BLM: variants seen among roughly 807,000 people sequenced by gnomAD.
BLM encodes BLM RecQ like helicase, also known as recQ-like DNA helicase BLM.
Under a neutral mutation model 135.3 loss-of-function variants are expected in BLM, and 95 were observed. That is an observed-to-expected ratio of 0.70 (90% CI 0.59 to 0.83). The LOEUF (loss-of-function observed/expected upper bound fraction) is 0.83. Among genes scored for constraint, BLM ranks in the 40% least tolerant of loss-of-function variants. BLM has a pLI of 0.00. For missense variants in BLM, 1,518 were observed against 1,663.9 expected (o/e 0.91, Z 1.53); for synonymous variants, 520 against 589.2 (o/e 0.88, Z 1.70).
Position 90,802,835 on chromosome 15 carries a change from C to T in BLM, c.3359-686C>T, listed in dbSNP as rs28385134. On this transcript the variant is annotated intron_variant, in intron 17 of 21. Transcript: ENST00000355112. The stretch of plus-strand genomic sequence containing the variant: ...AAGAGTGTCATTGGATTGTTTGCAA[C>T]TCAATGGATAAATACCTGAGGGAAT... Among the ~76,000 whole-genome samples the T allele has an allele frequency of 3.6e-3, 554 of 152,140 alleles. 6 individuals carry two copies. The highest frequency in any genetic ancestry group is 0.013 in the African/African-American group (523 of 41,514).
At chr15:90,810,573 C>T (rs982766085) in intron 20 of BLM, among the ~76,000 whole-genome samples, 2 of 152,068 alleles carry the variant, frequency 1.3e-5, no homozygotes, top group Non-Finnish European at 2.9e-5. Flanking sequence ...TTTTTGGGTG[C>T]CTTGGGATGC....
At chr15:90,753,619 T>A (rs1301489043) in intron 4 of BLM, among the ~76,000 whole-genome samples, 1 of 152,256 alleles carries the variant, frequency 6.6e-6, no homozygotes, top group Non-Finnish European at 1.5e-5. Flanking sequence ...GAAATAGAAT[T>A]TTCACAATAT....
intron 17 of BLM, among the ~76,000 whole-genome samples, chr15:90,802,864 T>G (rs911838111): frequency 6.6e-6 from 1 of 152,206 alleles, no homozygotes; most frequent in Non-Finnish European, 1.5e-5. Context: ...AGGGAATGGA[T>G]GGCCCATTCT....
At chr15:90,805,084 C>T (rs1480900106) in intron 19 of BLM, among the ~76,000 whole-genome samples, 1 of 152,138 alleles carries the variant, frequency 6.6e-6, no homozygotes, top group African/African-American at 2.4e-5. Flanking sequence ...GATCCACCCA[C>T]CTCGGCCTCC....
chr15:90,722,972 C>T (rs1052799687), intron 1 of BLM, among the ~76,000 whole-genome samples: 1 of 152,140 alleles, frequency 6.6e-6, no homozygotes, highest in African/African-American at 2.4e-5. Context: ...TCCCAAGTAG[C>T]TTGGATTACA....
rs2151145090 is a variant in BLM, at chr15:90,747,475, C to G, written c.83C>G (p.Ser28Ter). The G allele has an allele frequency of 6.2e-7, 1 of 1,604,902 alleles. No homozygotes were observed. Among genetic ancestry groups the G allele is most frequent in the Non-Finnish European group, 8.5e-7 (1 of 1,173,802 alleles). ...ARTLNNKLSL[S>*]KPKFSGFTFK... Reference sequence around the variant, plus strand: ...ACACTTAATAATAAATTAAGTCTTTCAAAACCAAAATTTTCGTAAGTGTTT... The same window carrying G: ...ACACTTAATAATAAATTAAGTCTTTGAAAACCAAAATTTTCGTAAGTGTTT... The change falls in exon 2 of 22, where the codon TCA becomes TGA. Residue 28 changes from serine (S) to a stop codon, truncating the protein, a stop_gained. Coordinates refer to ENST00000355112, the MANE Select transcript of BLM (RefSeq NM_000057.4). LOFTEE classifies it high-confidence loss of function.
chr15:90,769,896 A>G (rs866880114), intron 12 of BLM, among the ~76,000 whole-genome samples: 3 of 152,134 alleles, frequency 2.0e-5, no homozygotes, highest in Admixed American at 6.5e-5. Flanking sequence ...ATTGCATGCC[A>G]TATCTATCAT....
At chr15:90,751,571 C>G (rs974559671) in intron 3 of BLM, among the ~76,000 whole-genome samples, 1 of 152,218 alleles carries the variant, frequency 6.6e-6, no homozygotes, top group Non-Finnish European at 1.5e-5. Context: ...AATCTTCGGC[C>G]TCAGTCGAGC....
Position 90,815,003 on chromosome 15 carries a change from C to T in BLM, c.4077-99C>T, listed in dbSNP as rs1036184738. On this transcript the variant is annotated intron_variant, in intron 21 of 21. Transcript: ENST00000355112. The surrounding 1 kb of genome is among the most constrained non-coding windows in gnomAD (Gnocchi z 4.6). ...AGAAAATGCACAAGGACACATTAGGCCCAGGGAAGTGGTATTGTAGCTCTG... is the reference window on the plus strand; with the variant it reads ...AGAAAATGCACAAGGACACATTAGGTCCAGGGAAGTGGTATTGTAGCTCTG... 18 of 1,249,188 alleles carry T rather than the reference C, an allele frequency of 1.4e-5. No individual in the cohort carries two copies. In the South Asian group the frequency reaches 1.9e-4, roughly 13 times the overall value. The allele number at this position is 1,249,188 out of a possible 1,614,324, so 77.4% of individuals were successfully genotyped here.
At chr15:90,783,414 A>G (rs1252954182) in intron 13 of BLM, among the ~76,000 whole-genome samples, 2 of 152,166 alleles carry the variant, frequency 1.3e-5, no homozygotes, top group African/African-American at 4.8e-5. Context: ...CAGTCAGTAG[A>G]GATCTACCAA....
At chr15:90,771,914 T>C (rs915505458) in intron 12 of BLM, among the ~76,000 whole-genome samples, 2 of 152,202 alleles carry the variant, frequency 1.3e-5, no homozygotes, top group African/African-American at 4.8e-5. Context: ...TTGAATCTGT[T>C]TTCTTAGTAC....
chr15:90,762,918 T>A (rs751362754), intron 7 of BLM, 48 bp from the exon 8 acceptor site: 1 of 1,524,652 alleles, frequency 6.6e-7, no homozygotes, highest in Non-Finnish European at 9.1e-7. Context: ...AGCTGTACTT[T>A]CACTGTATTC....
chr15:90,796,891 C>T (rs1897040091), intron 16 of BLM, among the ~76,000 whole-genome samples: 1 of 152,148 alleles, frequency 6.6e-6, no homozygotes, highest in Non-Finnish European at 1.5e-5. Flanking sequence ...GGTTGAGGAT[C>T]AGCAGATGGG....
intron 21 of BLM, among the ~76,000 whole-genome samples, chr15:90,812,556 G>A (rs1897449479): frequency 6.6e-6 from 1 of 152,186 alleles, no homozygotes; most frequent in Non-Finnish European, 1.5e-5. Flanking sequence ...GGCCTGGCAG[G>A]AGGGAGACCA....
intron 3 of BLM, 47 bp from the exon 4 acceptor site, chr15:90,751,740 C>G: frequency 6.5e-7 from 1 of 1,534,004 alleles, no homozygotes; most frequent in South Asian, 1.1e-5. Context: ...TTCTTTCTGT[C>G]TCATTAGTGG....
chr15:90,758,326 T>C (rs1895874110), intron 5 of BLM, among the ~76,000 whole-genome samples: 1 of 151,944 alleles, frequency 6.6e-6, no homozygotes, highest in Non-Finnish European at 1.5e-5. Context: ...CCATCTCTAA[T>C]AAAAATACAA....
intron 17 of BLM, among the ~76,000 whole-genome samples, chr15:90,803,022 G>A (rs1381730500): frequency 6.6e-6 from 1 of 151,826 alleles, no homozygotes; most frequent in Admixed American, 6.6e-5. Flanking sequence ...AATTAGGTGG[G>A]TGTGATGGCC....
intron 12 of BLM, among the ~76,000 whole-genome samples, chr15:90,770,177 C>CG (rs1555420977): frequency 1.6e-5 from 2 of 128,214 alleles, no homozygotes; most frequent in East Asian, 4.8e-4. Flanking sequence ...TCCCCCCCCC[C>CG]TTTTTTTTTT....
chr15:90,734,780 G>A (rs1895166989), intron 1 of BLM, among the ~76,000 whole-genome samples: 1 of 149,650 alleles, frequency 6.7e-6, no homozygotes, highest in Non-Finnish European at 1.5e-5. Flanking sequence ...AATACTAGAG[G>A]CATTTTTACT....
Sources: allele counts gnomAD v4.1 joint callset (sites outside exome capture counted in the v4.1 genomes callset), GRCh38; gene constraint gnomAD v4.1.1; non-coding constraint Gnocchi (gnomAD v3.1); transcripts MANE v1.5; gene names NCBI Gene and HGNC (gene_info 2026-07-23, HGNC 2026-07-21).